Variants in ZNF227 observed in about 807,000 individuals in gnomAD.
ZNF227 encodes the protein zinc finger protein 227.
A neutral mutation model predicts 13.2 loss-of-function variants in ZNF227; 12 were observed. The ratio of observed to expected loss-of-function variants is 0.91; its 90% confidence interval spans 0.58 to 1.47. ZNF227 has a LOEUF of 1.47. ZNF227 is among the 40% of genes most tolerant of loss of function. ZNF227 has a pLI of 0.00. For synonymous variants in ZNF227, 338 were observed against 326.0 expected, an observed-to-expected ratio of 1.04 and a Z score of -0.40; for missense variants, 885 against 967.5, an observed-to-expected ratio of 0.91 and a Z score of 1.13.
chr19:44,230,926 AATATATAT>A (rs58952117), intron 5 of ZNF227, among the ~76,000 whole-genome samples: 8 of 68,112 alleles, frequency 1.2e-4, no homozygotes, highest in African/African-American at 4.9e-4. Context: ...AAAAAAAAAA[AATATATAT>A]ATATATATAT....
chr19:44,233,898 A>T (rs535719760), intron 5 of ZNF227, among the ~76,000 whole-genome samples: 3 of 151,840 alleles, frequency 2.0e-5, no homozygotes, highest in Non-Finnish European at 4.4e-5. Flanking sequence ...CTGTTTTTTA[A>T]AAAAAAAATG....
At chr19:44,227,436 CG>C (rs1973294084) in intron 3 of ZNF227, 4 of 152,074 alleles carry the variant, frequency 2.6e-5, no homozygotes, top group African/African-American at 9.7e-5. Context: ...TTAGTAGAGA[CG>C]GGGTTTCAGC....
intron 3 of ZNF227, 48 bp from the exon 4 acceptor site, chr19:44,228,398 A>G (rs1158604395): frequency 1.1e-5 from 17 of 1,581,256 alleles, no homozygotes; most frequent in Non-Finnish European, 1.4e-5. Flanking sequence ...CCCTTCTTCT[A>G]GTGAAGGTTG....
intron 4 of ZNF227, among the ~76,000 whole-genome samples, chr19:44,229,487 C>G (rs903814175): frequency 8.5e-5 from 13 of 152,128 alleles, no homozygotes; most frequent in Admixed American, 6.5e-5. Flanking sequence ...TGGCAGGTGC[C>G]TGTAATCCCA....
chr19:44,230,419 C>T (rs960401713), intron 5 of ZNF227, among the ~76,000 whole-genome samples: 4 of 152,170 alleles, frequency 2.6e-5, no homozygotes, highest in Non-Finnish European at 5.9e-5. Flanking sequence ...ACTGCAAGAC[C>T]CTACCTGGTC....
chr19:44,235,358 T>G lies in ZNF227; in HGVS notation c.928T>G (p.Ser310Ala). 1 of 1,614,224 alleles carries G rather than the reference T, an allele frequency of 6.2e-7. No individual in the cohort carries two copies. Among genetic ancestry groups the G allele is most frequent in the Non-Finnish European group, 8.5e-7 (1 of 1,180,038 alleles). Residue 310 changes from serine (S) to alanine (A), a missense_variant, in exon 6 of 6, where the codon TCT (serine) becomes GCT (alanine). By Grantham distance (99) the Ser-to-Ala change is moderately conservative. Transcript: ENST00000313040. ...HESGDCFNKS[S>A]FHSYQSNHTG... Reference sequence around the variant, plus strand: ...ATCTGGTGATTGCTTCAATAAGAGCTCTTTTCATTCTTATCAATCTAATCA... The same window carrying G: ...ATCTGGTGATTGCTTCAATAAGAGCGCTTTTCATTCTTATCAATCTAATCA...
At chr19:44,232,029 C>G (rs1428872433) in intron 5 of ZNF227, among the ~76,000 whole-genome samples, 1 of 152,204 alleles carries the variant, frequency 6.6e-6, no homozygotes, top group African/African-American at 2.4e-5. Flanking sequence ...CCCCTTCCCT[C>G]TAATACCAAA....
chr19:44,236,296 T>G lies in ZNF227; in HGVS notation c.1866T>G (p.His622Gln). 6.2e-7 allele frequency: 1 copy of G among 1,613,846 alleles called. No individual in the cohort carries two copies. The highest frequency in any genetic ancestry group is 8.5e-7 in the Non-Finnish European group (1 of 1,179,932). Reference sequence around the variant, plus strand: ...GTCAGGCCATAGATTTTCGGGTACATCAGAGAGTCCATACTGGAGAGAAGC... The same window carrying G: ...GTCAGGCCATAGATTTTCGGGTACAGCAGAGAGTCCATACTGGAGAGAAGC... ...SFSQAIDFRV[H>Q]QRVHTGEKPY... Residue 622 changes from histidine to glutamine, a missense_variant, in exon 6 of 6, where the codon CAT (histidine) becomes CAG (glutamine). By Grantham distance (24) the His-to-Gln change is conservative. Coordinates refer to ENST00000313040, the MANE Select transcript of ZNF227 (RefSeq NM_182490.3).
intron 5 of ZNF227, among the ~76,000 whole-genome samples, chr19:44,232,149 C>T (rs1250583659): frequency 6.6e-6 from 1 of 152,168 alleles, no homozygotes; most frequent in Non-Finnish European, 1.5e-5. Flanking sequence ...CCTGATTAGG[C>T]AAAGAAAATT....
chr19:44,225,127 CGA>C (rs560825223), intron 3 of ZNF227, among the ~76,000 whole-genome samples: 1,633 of 152,012 alleles, frequency 0.011, 8 homozygotes, highest in African/African-American at 0.035. Flanking sequence ...GAGTTTCTGC[CGA>C]GAGATCCGCT....
At position 44,235,037 on chromosome 19, in the gene ZNF227, A is replaced by G; in HGVS notation, c.607A>G (p.Ile203Val). 2 of 1,614,128 alleles carry G rather than the reference A, an allele frequency of 1.2e-6. No individual in the cohort carries two copies. The highest frequency in any genetic ancestry group is 1.7e-6 in the Non-Finnish European group (2 of 1,180,024). ...AATTGATGTGAAAAATAACCTGCAA[A>G]TACATGAAGACTTCATGAAGAAATC... ...KQIDVKNNLQ[I>V]HEDFMKKSPF... The change falls in exon 6 of 6, where the codon ATA becomes GTA. Residue 203 changes from isoleucine (I) to valine (V), a missense_variant. Coordinates refer to ENST00000313040, the MANE Select transcript of ZNF227 (RefSeq NM_182490.3).
chr19:44,209,464 A>G (rs1037853760), upstream of ZNF227, among the ~76,000 whole-genome samples: 1 of 152,268 alleles, frequency 6.6e-6, no homozygotes, highest in Non-Finnish European at 1.5e-5. Context: ...GGAGGAAGGT[A>G]GTTATGTGAA....
chr19:44,236,774 C>T lies in ZNF227; in HGVS notation c.2344C>T (p.Arg782Cys), dbSNP rs200480738. 24 of 1,610,468 alleles carry T rather than the reference C, an allele frequency of 1.5e-5. No individual in the cohort carries two copies. The highest frequency in any genetic ancestry group is 8.0e-5 in the African/African-American group (6 of 74,692). ...ATGTGACATATGTGATAAGGACTTC[C>T]GTCACCGTTCACGTCTTACATATCA... ...YKCDICDKDF[R>C]HRSRLTYHQK... Residue 782 changes from arginine (R) to cysteine (C), a missense_variant, in exon 6 of 6, where the codon CGT becomes TGT. Coordinates refer to ENST00000313040, the MANE Select transcript of ZNF227 (RefSeq NM_182490.3).
chr19:44,233,208 C>T (rs78042615), intron 5 of ZNF227, among the ~76,000 whole-genome samples: 40 of 152,116 alleles, frequency 2.6e-4, no homozygotes, highest in Middle Eastern at 3.4e-3. Flanking sequence ...GTCTTTCATA[C>T]GTTTCTAACC....
At position 44,230,951 on chromosome 19, in the gene ZNF227, A is replaced by ATATC. The variant is rs1568610093; in HGVS notation, c.271+1137_271+1140dup. On this transcript the variant is annotated intron_variant, in intron 5 of 5. Transcript: ENST00000313040. ...AATATATATATATATATATATATAT[A>ATATC]TATCTTAGCCAGGCATGTTAGCATA... Among the ~76,000 whole-genome samples, 377 of 132,682 alleles carry ATATC rather than the reference A, an allele frequency of 2.8e-3. 6 individuals carry two copies. Among genetic ancestry groups the ATATC allele is most frequent in the African/African-American group, 0.012 (365 of 31,518 alleles). The allele number at this position is 132,682 out of a possible 152,430, so 87.0% of individuals were successfully genotyped here. A position where few individuals can be genotyped will look rare whatever the true frequency, so the allele number is the denominator to read the frequency against.
intron 3 of ZNF227, among the ~76,000 whole-genome samples, chr19:44,226,256 C>T (rs1390670820): frequency 5.9e-5 from 9 of 152,214 alleles, no homozygotes; most frequent in Admixed American, 2.6e-4. Context: ...GGCAGTCTGC[C>T]GGATCTCAGA....
chr19:44,215,915 G>A (rs560472858), intron 2 of ZNF227, among the ~76,000 whole-genome samples: 42 of 150,460 alleles, frequency 2.8e-4, no homozygotes, highest in African/African-American at 1.0e-3. Context: ...TTGAACCTGG[G>A]AGGCAGAGGT....
At chr19:44,222,449 T>G (rs1972637093) in intron 3 of ZNF227, among the ~76,000 whole-genome samples, 1 of 151,480 alleles carries the variant, frequency 6.6e-6, no homozygotes, top group Admixed American at 6.6e-5. Context: ...CGAGCAGTGG[T>G]TTGTAGTTCT....
At chr19:44,217,322 C>T (rs1258056279) in intron 2 of ZNF227, 5 of 406,198 alleles carry the variant, frequency 1.2e-5, no homozygotes, top group Non-Finnish European at 2.4e-5. Flanking sequence ...GAAAGGGACT[C>T]CTGGTTCTTA....
Sources: allele counts gnomAD v4.1 joint callset (sites outside exome capture counted in the v4.1 genomes callset), GRCh38; gene constraint gnomAD v4.1.1; transcripts MANE v1.5; gene names NCBI Gene and HGNC (gene_info 2026-07-23, HGNC 2026-07-21).